Variants in LRRC63 observed in about 807,000 individuals in gnomAD.
LRRC63 encodes the protein leucine rich repeat containing 63.
LRRC63 carries 40 observed loss-of-function variants against 49.5 expected under a neutral mutation model. The ratio of observed to expected loss-of-function variants is 0.81; its 90% CI spans 0.63 to 1.05. The LOEUF (loss-of-function observed/expected upper bound fraction) is 1.05, where lower values mean the gene tolerates loss of function less well. Among genes scored for constraint, LRRC63 ranks in the 50% least tolerant of loss-of-function variants. LRRC63 has a pLI of 0.00. For synonymous variants in LRRC63, 191 were observed against 221.1 expected (o/e 0.86, Z 1.21); for missense variants, 636 against 663.1 (o/e 0.96, Z 0.45).
At chr13:46,239,956 A>T (rs1183699697) in intron 5 of LRRC63, among the ~76,000 whole-genome samples, 1 of 152,102 alleles carries the variant, frequency 6.6e-6, no homozygotes, top group Non-Finnish European at 1.5e-5. Context: ...CAACATCACT[A>T]CATGTTAAAC....
intron 2 of LRRC63, among the ~76,000 whole-genome samples, chr13:46,223,128 G>A (rs1460524706): frequency 6.6e-6 from 1 of 150,796 alleles, no homozygotes; most frequent in South Asian, 2.1e-4. Context: ...GAGTTAATGG[G>A]TGCAGCACAC....
intron 8 of LRRC63, 72 bp downstream of exon 8, chr13:46,262,064 T>A: frequency 2.1e-6 from 1 of 484,858 alleles, no homozygotes; most frequent in South Asian, 1.1e-4. Flanking sequence ...ATAGAGAAAA[T>A]CAATCCTTTC....
chr13:46,271,013 A>C (rs1267939722), intron 9 of LRRC63, among the ~76,000 whole-genome samples: 1 of 152,230 alleles, frequency 6.6e-6, no homozygotes, highest in Non-Finnish European at 1.5e-5. Context: ...AATACATTTG[A>C]CCCTTGAATA....
chr13:46,226,327 T>G (rs2046575440), intron 2 of LRRC63, among the ~76,000 whole-genome samples: 2 of 152,140 alleles, frequency 1.3e-5, no homozygotes, highest in Non-Finnish European at 2.9e-5. Flanking sequence ...GGTTCCTCTA[T>G]AAGTGGGGCA....
At chr13:46,248,166 C>G (rs1421641567) in intron 6 of LRRC63, among the ~76,000 whole-genome samples, 1 of 151,804 alleles carries the variant, frequency 6.6e-6, no homozygotes, top group Non-Finnish European at 1.5e-5. Flanking sequence ...AAATGTTACA[C>G]TAGAACATAT....
rs145862797 is a variant in LRRC63 at position 46,218,339 on chromosome 13, C to T, written c.85+5220C>T. Among the ~76,000 whole-genome samples, 476 of 152,246 alleles carry T rather than the reference C, an allele frequency of 3.1e-3. 4 individuals carry two copies. Among genetic ancestry groups the T allele is most frequent in the South Asian group, 0.024 (115 of 4,820 alleles). On this transcript the variant is annotated intron_variant, in intron 2 of 9. Transcript: ENST00000595396. Reference sequence around the variant, plus strand: ...TCTTCTTGTTGCATTGGTCCCTTTACCCATTATGTAATGCCCTCCTTTGTC... The same window carrying T: ...TCTTCTTGTTGCATTGGTCCCTTTATCCATTATGTAATGCCCTCCTTTGTC...
At chr13:46,258,417 CCG>C in intron 7 of LRRC63, among the ~76,000 whole-genome samples, 1 of 151,232 alleles carries the variant, frequency 6.6e-6, no homozygotes, top group Admixed American at 6.6e-5. Flanking sequence ...GCGTGAGCCC[CCG>C]CACCCAGCCC....
At chr13:46,239,860 T>A (rs970207608) in intron 5 of LRRC63, among the ~76,000 whole-genome samples, 1 of 152,202 alleles carries the variant, frequency 6.6e-6, no homozygotes, top group South Asian at 2.1e-4. Context: ...TGCAAATCAA[T>A]AAATGTGATT....
Position 46,258,749 on chromosome 13 carries a change from C to T in LRRC63, c.1227-3160C>T, listed in dbSNP as rs142914612. On this transcript the variant is annotated intron_variant, in intron 7 of 9. Transcript: ENST00000595396. ...CTTGAACCAGGGGAGTTGCAGGTTG[C>T]AGTGAGCCAAGATCACACCACTGCA... Among the ~76,000 whole-genome samples the T allele has an allele frequency of 4.5e-3, 620 of 139,022 alleles. 6 individuals are homozygous for T. Among genetic ancestry groups the T allele is most frequent in the African/African-American group, 0.016 (583 of 36,224 alleles). The allele number at this position is 139,022 out of a possible 152,430, so 91.2% of individuals were successfully genotyped here.
At chr13:46,212,702 T>C (rs1170306339) in intron 1 of LRRC63, among the ~76,000 whole-genome samples, 1 of 152,230 alleles carries the variant, frequency 6.6e-6, no homozygotes, top group Non-Finnish European at 1.5e-5. Context: ...TGAAATAGCA[T>C]TGGCAAATTG....
chr13:46,213,394 G>A (rs2046151928), intron 2 of LRRC63, among the ~76,000 whole-genome samples: 1 of 152,240 alleles, frequency 6.6e-6, no homozygotes, highest in Non-Finnish European at 1.5e-5. Flanking sequence ...TATGTGCAGA[G>A]CACTGAAAAT....
chr13:46,264,456 T>G (rs2047655698), intron 8 of LRRC63, among the ~76,000 whole-genome samples: 1 of 140,416 alleles, frequency 7.1e-6, no homozygotes, highest in African/African-American at 3.0e-5. Flanking sequence ...TTAGTTAGTT[T>G]TGAATTATTT....
At chr13:46,234,291 T>C in exon 5 of LRRC63, 2 of 1,550,282 alleles carry the variant, frequency 1.3e-6, no homozygotes, top group Non-Finnish European at 8.7e-7. Flanking sequence ...ATAACAGCCA[T>C]GACCAACCTG....
At chr13:46,230,050 G>A (rs1182694264) in intron 4 of LRRC63, among the ~76,000 whole-genome samples, 1 of 152,036 alleles carries the variant, frequency 6.6e-6, no homozygotes, top group Admixed American at 6.6e-5. Context: ...AAAGCCATGA[G>A]GGATCTACTC....
chr13:46,276,314 T>G (rs2047835961), intron 9 of LRRC63, among the ~76,000 whole-genome samples: 1 of 152,064 alleles, frequency 6.6e-6, no homozygotes, highest in South Asian at 2.1e-4. Flanking sequence ...TTCCCAAGAA[T>G]AATAACTATT....
chr13:46,274,477 C>T (rs61949194), intron 9 of LRRC63, among the ~76,000 whole-genome samples: 34,306 of 152,120 alleles, frequency 0.23, 4,613 homozygotes, highest in East Asian at 0.35. Context: ...ACTCTAAGCT[C>T]AGCTACTGCT....
chr13:46,213,165 C>A, intron 2 of LRRC63, 46 bp downstream of exon 2: 1 of 1,274,948 alleles, frequency 7.8e-7, no homozygotes, highest in Non-Finnish European at 1.1e-6. Context: ...ATGTATCTTT[C>A]ATAGAAATTC....
At chr13:46,251,499 A>G (rs1188033437) in intron 7 of LRRC63, among the ~76,000 whole-genome samples, 1 of 151,836 alleles carries the variant, frequency 6.6e-6, no homozygotes, top group South Asian at 2.1e-4. Flanking sequence ...CCCTGACACT[A>G]TCTGCCATTT....
At chr13:46,228,545 T>C in intron 3 of LRRC63, 120 bp from the exon 4 acceptor site, 2 of 673,244 alleles carry the variant, frequency 3.0e-6, no homozygotes, top group Non-Finnish European at 5.2e-6. Flanking sequence ...CCTTCATGAA[T>C]ATATTTTCAT....
Sources: gnomAD v4.1 joint callset for allele counts (sites outside exome capture counted in the v4.1 genomes callset) on GRCh38, gnomAD v4.1.1 for gene constraint, MANE v1.5 for transcripts, NCBI Gene and HGNC (gene_info 2026-07-23, HGNC 2026-07-21) for gene names.